Variants in HSPG2 observed in about 807,000 individuals in gnomAD.
HSPG2 encodes basement membrane-specific heparan sulfate proteoglycan core protein.
Under a neutral mutation model 526.6 loss-of-function variants are expected in HSPG2, and 278 were observed. The observed-to-expected ratio is 0.53, with a 90% confidence interval of 0.48 to 0.58. The LOEUF (loss-of-function observed/expected upper bound fraction) is 0.58, where lower values mean the gene tolerates loss of function less well. HSPG2 is among the 20% of genes least tolerant of loss of function. The pLI is 0.00. For missense variants in HSPG2, 5,354 were observed against 6,099.5 expected (o/e 0.88, Z 4.07); for synonymous variants, 2,465 against 2,555.4 (o/e 0.96, Z 1.07).
rs905229416 is a variant in HSPG2, at chr1:21,862,238, G to A, written c.4741-123C>T. 8.8e-5 allele frequency: 101 copies of A among 1,148,286 alleles called. No individual in the cohort carries two copies. The African/African-American group carries it at 1.4e-3, about 16-fold the overall frequency. 71.1% of individuals were successfully genotyped at this position (1,148,286 alleles called of 1,614,324 possible). On this transcript the variant is annotated intron_variant, in intron 37 of 96. Transcript: ENST00000374695. ...GAACTCATCTTAAAGAAAGAATCAT[G>A]GAAGGGCACAAAGATTTCATTACAA...
In HSPG2 at chr1:21,822,352, G is replaced by A; in HGVS notation, c.*964C>T. The stretch of plus-strand genomic sequence containing the variant: ...CCAACCCCACAGTCTGGGGGCCACT[G>A]GCAGGATGGCACTTGAGCTGGATCT... On this transcript the variant is annotated 3_prime_UTR_variant, in exon 97 of 97. Transcript: ENST00000374695. 1 of 820,268 alleles carries A rather than the reference G, an allele frequency of 1.2e-6. No individual in the cohort carries two copies. The highest frequency in any genetic ancestry group is 2.0e-6 in the Non-Finnish European group (1 of 494,118). 50.8% of individuals were successfully genotyped at this position (820,268 alleles called of 1,614,324 possible).
In HSPG2 at chr1:21,879,077, C is replaced by T; in HGVS notation, c.2388G>A (p.Lys796=). 1 of 1,614,274 alleles carries T rather than the reference C, an allele frequency of 6.2e-7. No homozygotes were observed. The highest frequency in any genetic ancestry group is 2.2e-5 in the East Asian group (1 of 44,888). ...NTEGPQCNKC[K]AGFFGDAMKA... ...TCATGGCGTCCCCAAAGAAGCCAGC[C>T]TTGCACTTGTTGCACTGTGGCCCCT... Residue 796 remains lysine, a synonymous_variant, in exon 18 of 97, where the codon AAG becomes AAA. Transcript: ENST00000374695.
At position 21,937,142 on chromosome 1, in the gene HSPG2, C is replaced by G; in HGVS notation, c.63+13G>C. 1 of 410,058 alleles carries G rather than the reference C, an allele frequency of 2.4e-6. No homozygotes were observed. Among genetic ancestry groups the G allele is most frequent in the Non-Finnish European group, 3.7e-6 (1 of 273,360 alleles). 25.4% of individuals were successfully genotyped at this position (410,058 alleles called of 1,614,324 possible). ...CCGCCCCCGCCCCCCGCCCCTCTGC[C>G]CCGCACACTCACCGCCAGCAGCCGC... On this transcript the variant is annotated intron_variant, in intron 1 of 96. Coordinates refer to ENST00000374695, the MANE Select transcript of HSPG2 (RefSeq NM_005529.7).
Position 21,873,084 on chromosome 1 carries a change from G to C in HSPG2, c.3801C>G (p.Ser1267Arg). 6.2e-7 allele frequency: 1 copy of C among 1,600,422 alleles called. No homozygotes were observed. The highest frequency in any genetic ancestry group is 8.5e-7 in the Non-Finnish European group (1 of 1,179,652). ...TGCAGCCTATGGGCCCTGGCACCTG[G>C]CTGTCTCCTGAGGTGGAAGAAAGCC... The part of the protein sequence containing the change: ...PSQGQPCQRD[S>R]QVPGPIGCNC... The change falls in exon 31 of 97, where the codon AGC becomes AGG. Residue 1267 changes from serine (S) to arginine (R), a missense_variant. Transcript: ENST00000374695.
In HSPG2 at chr1:21,873,060, G is replaced by A; in HGVS notation, c.3825C>T (p.Cys1275=). 6.2e-7 allele frequency: 1 copy of A among 1,602,996 alleles called. No homozygotes were observed. Among genetic ancestry groups the A allele is most frequent in the South Asian group, 1.1e-5 (1 of 91,080 alleles). The part of the protein sequence containing the change: ...RDSQVPGPIG[C]NCDPQGSVSS... ...TGACGCTGCCTTGGGGGTCACAGTT[G>A]CAGCCTATGGGCCCTGGCACCTGGC... Residue 1275 remains cysteine (C), a synonymous_variant, in exon 31 of 97, where the codon TGC becomes TGT. Coordinates refer to ENST00000374695, the MANE Select transcript of HSPG2 (RefSeq NM_005529.7).
In HSPG2 at chr1:21,858,964, T is replaced by C. The variant is rs1639556696; in HGVS notation, c.5293+602A>G. ...ACAACTGCTCACGGTGGCAATCTGCTTGGTGACACAGCCTTTATGGACGCC... is the reference window on the plus strand; with the variant it reads ...ACAACTGCTCACGGTGGCAATCTGCCTGGTGACACAGCCTTTATGGACGCC... On this transcript the variant is annotated intron_variant, in intron 42 of 96. Coordinates refer to ENST00000374695, the MANE Select transcript of HSPG2 (RefSeq NM_005529.7). The surrounding 1 kb of genome is among the most constrained non-coding windows in gnomAD (Gnocchi z 4.2). 6.6e-6 allele frequency among the ~76,000 whole-genome samples: 1 copy of C among 151,980 alleles called. No homozygotes were observed. The highest frequency in any genetic ancestry group is 1.5e-5 in the Non-Finnish European group (1 of 67,988).
At chr1:21,840,421 TC>T (rs2098044011) in intron 71 of HSPG2, among the ~76,000 whole-genome samples, 1 of 152,210 alleles carries the variant, frequency 6.6e-6, no homozygotes, top group Non-Finnish European at 1.5e-5. Context: ...TTCTCCTGCC[TC>T]AGCCTCCTGA....
intron 78 of HSPG2, 40 bp from the exon 79 acceptor site, chr1:21,833,654 A>G: frequency 2.5e-6 from 4 of 1,613,012 alleles, no homozygotes; most frequent in Non-Finnish European, 3.4e-6. Context: ...GCCTTGGCCC[A>G]CGGCTCCAGG....
chr1:21,855,855 T>G lies in HSPG2; in HGVS notation c.5633A>C (p.Gln1878Pro), dbSNP rs756765980. 4 of 1,613,088 alleles carry G rather than the reference T, an allele frequency of 2.5e-6. No individual in the cohort carries two copies. Among genetic ancestry groups the G allele is most frequent in the Non-Finnish European group, 3.4e-6 (4 of 1,180,004 alleles). ...VSIHPPQLTVQPGQLAEFRCS... is the reference protein window; with the variant it reads ...VSIHPPQLTVPPGQLAEFRCS... ...GCGGAACTCCGCCAGTTGCCCGGGC[T>G]GCACTGTGAGCTGTGGCGGATGGAT... The change falls in exon 45 of 97, where the codon CAG becomes CCG. Residue 1878 changes from glutamine (Q) to proline (P), a missense_variant. Coordinates refer to ENST00000374695, the MANE Select transcript of HSPG2 (RefSeq NM_005529.7).
In HSPG2 at chr1:21,829,063, C is replaced by T. The variant is rs1473795871; in HGVS notation, c.12009G>A (p.Arg4003=). ...GGCCCAGGGCCAGCGGCTCGGCGCT[C>T]CGCAGAACGGCCAGCCCTGGGGAGG... is the stretch of plus-strand genomic sequence containing the variant. ...YELGSGLAVL[R]SAEPLALGRW... is the part of the protein sequence containing the mutation. Residue 4003 remains arginine, a synonymous_variant, in exon 88 of 97, where the codon CGG becomes CGA. Coordinates refer to ENST00000374695, the MANE Select transcript of HSPG2 (RefSeq NM_005529.7). The T allele has an allele frequency of 1.9e-6, 3 of 1,541,932 alleles. No homozygotes were observed. In the Admixed American group the frequency reaches 5.9e-5, roughly 30 times the overall value.
At chr1:21,837,851 T>C (rs1443724897) in intron 74 of HSPG2, among the ~76,000 whole-genome samples, 1 of 152,064 alleles carries the variant, frequency 6.6e-6, no homozygotes, top group Non-Finnish European at 1.5e-5. Context: ...AAACTGAGGC[T>C]CAGGACGAGT....
intron 71 of HSPG2, among the ~76,000 whole-genome samples, chr1:21,840,733 C>T (rs950240152): frequency 2.8e-4 from 43 of 152,000 alleles, no homozygotes; most frequent in African/African-American, 9.7e-4. Flanking sequence ...CTCAAGTGAT[C>T]TTCCTGCCTC....
intron 1 of HSPG2, among the ~76,000 whole-genome samples, chr1:21,923,450 C>T (rs2152799761): frequency 6.6e-6 from 1 of 152,222 alleles, no homozygotes; most frequent in East Asian, 1.9e-4. Flanking sequence ...CATAAATAGC[C>T]CTCGCTATTT....
In HSPG2 at chr1:21,861,842, A is replaced by G; in HGVS notation, c.4870T>C (p.Phe1624Leu). ...ACPLTNPENMFSRTCESLGAG... is the reference protein window; with the variant it reads ...ACPLTNPENMLSRTCESLGAG... ...CCCAGGCTCTCACAGGTGCGGGAAA[A>G]CCTGGGATCGGGGAGGCAAAGGTCA... Residue 1624 changes from phenylalanine (F) to leucine (L), a missense_variant and splice_region_variant, in exon 39 of 97, where the codon TTT becomes CTT. Transcript: ENST00000374695. 6.2e-7 allele frequency: 1 copy of G among 1,613,624 alleles called. No individual in the cohort carries two copies. The highest frequency in any genetic ancestry group is 8.5e-7 in the Non-Finnish European group (1 of 1,180,006).
chr1:21,872,303 T>G lies in HSPG2; in HGVS notation c.4104A>C (p.Thr1368=). Residue 1368 remains threonine, a synonymous_variant, in exon 33 of 97, where the codon ACA becomes ACC. Coordinates refer to ENST00000374695, the MANE Select transcript of HSPG2 (RefSeq NM_005529.7). This position sits in a 1 kb window ranked among gnomAD's most constrained non-coding sequence, Gnocchi z 5.5. ...GCACGGGTTCCACAGTGAATTCTCC[T>G]GTCAGGCGGCTGTTTCGCTGTGGGT... ...LVNPQRNSRL[T]GEFTVEPVPE... The G allele has an allele frequency of 6.4e-7, 1 of 1,571,540 alleles. No homozygotes were observed. The highest frequency in any genetic ancestry group is 8.6e-7 in the Non-Finnish European group (1 of 1,158,136).
At position 21,834,763 on chromosome 1, in the gene HSPG2, C is replaced by G; in HGVS notation, c.10636G>C (p.Glu3546Gln). 6.2e-7 allele frequency: 1 copy of G among 1,614,180 alleles called. No homozygotes were observed. The highest frequency in any genetic ancestry group is 1.1e-5 in the South Asian group (1 of 91,088). The change falls in exon 77 of 97, where the codon GAG becomes CAG. Residue 3546 changes from glutamate (E) to glutamine (Q), a missense_variant. By Grantham distance (29) the Glu-to-Gln change is conservative. Transcript: ENST00000374695. ...SGGVVRIAHV[E>Q]LADAGQYRCT... is the part of the protein sequence containing the mutation. ...CGATACTGTCCCGCATCAGCCAGCT[C>G]TACGTGGGCGATCCTGACGACACCT... is the stretch of plus-strand genomic sequence containing the variant.
In HSPG2 at chr1:21,885,721, A is replaced by G. The variant is rs2445139; in HGVS notation, c.1079-270T>C. Among the ~76,000 whole-genome samples the G allele has an allele frequency of 0.97, 147,279 of 152,110 alleles. 71,476 individuals carry two copies. Among genetic ancestry groups the G allele is most frequent in the Middle Eastern group, 1 (294 of 294 alleles). On this transcript the variant is annotated intron_variant, in intron 9 of 96. Coordinates refer to ENST00000374695, the MANE Select transcript of HSPG2 (RefSeq NM_005529.7). The stretch of plus-strand genomic sequence containing the variant: ...GGCACATCACTGTCACAACCACAGC[A>G]TCACCCAGCCACGCTCAGAGGCACA...
intron 1 of HSPG2, among the ~76,000 whole-genome samples, chr1:21,929,581 G>GT (rs1644294358): frequency 1.5e-5 from 2 of 131,632 alleles, no homozygotes; most frequent in East Asian, 2.5e-4. Context: ...CCCACCTGCC[G>GT]GTTTTTTTTT....
chr1:21,873,173 C>CA, intron 30 of HSPG2, 82 bp from the exon 31 acceptor site: 1 of 1,302,982 alleles, frequency 7.7e-7, no homozygotes, highest in Non-Finnish European at 1.1e-6. Context: ...CACCACTGAG[C>CA]GGGAGCTCTG....
Sources: allele counts gnomAD v4.1 joint callset (sites outside exome capture counted in the v4.1 genomes callset), GRCh38; gene constraint gnomAD v4.1.1; non-coding constraint Gnocchi (gnomAD v3.1); transcripts MANE v1.5; gene names NCBI Gene and HGNC (gene_info 2026-07-23, HGNC 2026-07-21).